The following IPO11 variants were observed in gnomAD, a reference collection of about 807,000 sequenced individuals.
IPO11 encodes the protein importin 11.
A neutral mutation model predicts 143.2 loss-of-function variants in IPO11; 66 were observed. The ratio of observed to expected loss-of-function variants is 0.46; its 90% CI spans 0.38 to 0.57. IPO11 has a LOEUF of 0.57. IPO11 is among the 20% of genes least tolerant of loss of function. IPO11 has a pLI of 0.00. For missense variants in IPO11, 1,026 were observed against 1,141.0 expected (o/e 0.90, Z 1.45); for synonymous variants, 385 against 377.8 (o/e 1.02, Z -0.22).
chr5:62,491,098 TCTACTGATTC>T (rs1205215200), intron 15 of IPO11, among the ~76,000 whole-genome samples: 1 of 152,236 alleles, frequency 6.6e-6, no homozygotes, highest in Non-Finnish European at 1.5e-5. Flanking sequence ...AGGATACACT[TCTACTGATTC>T]ACTTCAGTAT....
At chr5:62,500,047 G>A (rs1741296057) in intron 16 of IPO11, among the ~76,000 whole-genome samples, 3 of 152,210 alleles carry the variant, frequency 2.0e-5, no homozygotes. Context: ...CACTTTGGAA[G>A]GCCAAGGCGG....
chr5:62,417,319 T>TTGTAGG (rs1561301314), intron 1 of IPO11, among the ~76,000 whole-genome samples: 1 of 129,288 alleles, frequency 7.7e-6, no homozygotes, highest in Non-Finnish European at 1.6e-5. Context: ...CCTTATTGGT[T>TTGTAGG]AATTTTTTTT....
chr5:62,536,947 C>T lies in IPO11; in HGVS notation c.2169+166C>T, dbSNP rs531103752. Among the ~76,000 whole-genome samples, 6 of 152,228 alleles carry T rather than the reference C, an allele frequency of 3.9e-5. No individual in the cohort carries two copies. In the South Asian group the frequency reaches 1.2e-3, roughly 32 times the overall value. Reference sequence around the variant, plus strand: ...CATTGCAGGGCAGATGTGCTGCATGCAGTTCCTTTCTCAATGCAGAAAATG... The same window carrying T: ...CATTGCAGGGCAGATGTGCTGCATGTAGTTCCTTTCTCAATGCAGAAAATG... On this transcript the variant is annotated intron_variant, in intron 23 of 29. Transcript: ENST00000325324.
At chr5:62,416,449 T>TGA (rs1472713552) in intron 1 of IPO11, among the ~76,000 whole-genome samples, 4 of 152,158 alleles carry the variant, frequency 2.6e-5, no homozygotes, top group Non-Finnish European at 5.9e-5. Context: ...CCCAAAGTGC[T>TGA]GGGATTACAG....
intron 24 of IPO11, among the ~76,000 whole-genome samples, chr5:62,549,337 A>C (rs1482418107): frequency 6.6e-6 from 1 of 152,194 alleles, no homozygotes; most frequent in Non-Finnish European, 1.5e-5. Context: ...CATGGATGCT[A>C]TCTGCTTACC....
In IPO11 at chr5:62,459,549, A is replaced by T. The variant is rs115854821; in HGVS notation, c.517-7582A>T. On this transcript the variant is annotated intron_variant, in intron 5 of 29. Transcript: ENST00000325324. ...CATAGGTAAGTGGAAGCGAATTTATACTTAAGCCTTTTTTTTTTTGAGACG... is the reference window on the plus strand; with the variant it reads ...CATAGGTAAGTGGAAGCGAATTTATTCTTAAGCCTTTTTTTTTTTGAGACG... Among the ~76,000 whole-genome samples the T allele has an allele frequency of 4.4e-3, 666 of 150,490 alleles. 7 individuals carry two copies. Among genetic ancestry groups the T allele is most frequent in the African/African-American group, 0.016 (642 of 40,662 alleles).
chr5:62,623,269 G>A (rs369327043), intron 29 of IPO11, among the ~76,000 whole-genome samples: 6 of 152,138 alleles, frequency 3.9e-5, no homozygotes, highest in African/African-American at 1.4e-4. Context: ...CATACCTAGT[G>A]TATTTATATG....
intron 19 of IPO11, among the ~76,000 whole-genome samples, chr5:62,508,543 C>CCTTCTTTCTTT: frequency 6.6e-6 from 1 of 151,758 alleles, no homozygotes; most frequent in East Asian, 1.9e-4. Context: ...CTTCCTTCTT[C>CCTTCTTTCTTT]CTTCTTTCTT....
intron 27 of IPO11, among the ~76,000 whole-genome samples, chr5:62,587,751 G>A (rs886176661): frequency 6.6e-6 from 1 of 152,148 alleles, no homozygotes; most frequent in African/African-American, 2.4e-5. Flanking sequence ...ACATGTGGCA[G>A]GCCTTGTTAT....
At chr5:62,567,495 A>ATTT (rs371387218) in intron 27 of IPO11, among the ~76,000 whole-genome samples, 23 of 126,966 alleles carry the variant, frequency 1.8e-4, no homozygotes, top group African/African-American at 6.0e-4. Context: ...TATTATTATT[A>ATTT]TTTTTTTTAC....
At chr5:62,462,179 C>T (rs1221792995) in intron 5 of IPO11, among the ~76,000 whole-genome samples, 1 of 152,084 alleles carries the variant, frequency 6.6e-6, no homozygotes, top group Non-Finnish European at 1.5e-5. Context: ...TACTGAATTA[C>T]TGAACTTTCT....
chr5:62,541,890 G>C (rs1742961417), intron 24 of IPO11, among the ~76,000 whole-genome samples: 1 of 151,976 alleles, frequency 6.6e-6, no homozygotes, highest in Non-Finnish European at 1.5e-5. Context: ...GCCAACAGTA[G>C]GTTATGATTA....
intron 22 of IPO11, 30 bp downstream of exon 22, chr5:62,530,815 T>G: frequency 6.6e-7 from 1 of 1,510,596 alleles, no homozygotes; most frequent in South Asian, 1.1e-5. Context: ...CTTACTAATG[T>G]TTTTGAATGC....
At chr5:62,452,414 TTGGATACACTC>T (rs1177176163) in intron 5 of IPO11, among the ~76,000 whole-genome samples, 1 of 150,984 alleles carries the variant, frequency 6.6e-6, no homozygotes, top group Non-Finnish European at 1.5e-5. Flanking sequence ...GGATTGGTTG[TTGGATACACTC>T]TGAAGGCAAG....
intron 28 of IPO11, among the ~76,000 whole-genome samples, chr5:62,595,057 G>A (rs906932847): frequency 4.6e-5 from 7 of 152,164 alleles, no homozygotes; most frequent in African/African-American, 1.2e-4. Context: ...ATGCTGGTGC[G>A]TGGTCTCAGA....
chr5:62,522,107 A>G (rs1404613472), intron 20 of IPO11, among the ~76,000 whole-genome samples: 3 of 151,960 alleles, frequency 2.0e-5, no homozygotes, highest in Non-Finnish European at 4.4e-5. Flanking sequence ...TTACTTATTT[A>G]CGTTCTATTA....
chr5:62,456,211 C>T (rs1358449723), intron 5 of IPO11, among the ~76,000 whole-genome samples: 1 of 152,068 alleles, frequency 6.6e-6, no homozygotes, highest in Non-Finnish European at 1.5e-5. Flanking sequence ...GGGGTTTTGC[C>T]ATGTTGGCCA....
At chr5:62,457,968 G>A (rs1745221461) in intron 5 of IPO11, among the ~76,000 whole-genome samples, 1 of 152,030 alleles carries the variant, frequency 6.6e-6, no homozygotes, top group South Asian at 2.1e-4. Flanking sequence ...CTAACACGGT[G>A]AAACCCTGTC....
chr5:62,522,883 T>G (rs1356540329), intron 20 of IPO11, among the ~76,000 whole-genome samples: 1 of 152,190 alleles, frequency 6.6e-6, no homozygotes, highest in African/African-American at 2.4e-5. Context: ...TCAAACTGCT[T>G]TCTAAACATT....
Sources: gnomAD v4.1 joint callset for allele counts (sites outside exome capture counted in the v4.1 genomes callset) on GRCh38, gnomAD v4.1.1 for gene constraint, MANE v1.5 for transcripts, NCBI Gene and HGNC (gene_info 2026-07-23, HGNC 2026-07-21) for gene names.